The following NCOA3 variants were observed in gnomAD, a reference collection of about 807,000 sequenced individuals.
NCOA3 encodes CBP-interacting protein.
NCOA3 carries 51 observed loss-of-function variants against 158.8 expected under a neutral mutation model. The observed-to-expected ratio is 0.32, with a 90% CI of 0.26 to 0.41. The LOEUF is 0.41. NCOA3 is among the 10% of genes least tolerant of loss of function. The probability of loss-of-function intolerance (pLI) is 1.00; values close to 1 mark genes in which losing one functional copy is unlikely to be tolerated. For synonymous variants in NCOA3, 537 were observed against 592.4 expected (o/e 0.91, Z 1.36); for missense variants, 1,510 against 1,746.6 (o/e 0.86, Z 2.41).
intron 1 of NCOA3, among the ~76,000 whole-genome samples, chr20:47,533,916 A>C (rs1035674425): frequency 5.3e-5 from 8 of 152,150 alleles, no homozygotes; most frequent in Admixed American, 2.6e-4. Flanking sequence ...ACAGAGCAAG[A>C]CCCTGTCTCC....
At chr20:47,635,239 AATTTT>A (rs2086491872) in intron 10 of NCOA3, 78 bp from the exon 11 acceptor site, 1 of 1,390,846 alleles carries the variant, frequency 7.2e-7, no homozygotes, top group Non-Finnish European at 9.6e-7. Flanking sequence ...GGTTTTTTAA[AATTTT>A]ATTTTATTTT....
At chr20:47,511,550 T>TATATATATACAC in intron 1 of NCOA3, among the ~76,000 whole-genome samples, 3,077 of 52,220 alleles carry the variant, frequency 0.059, 321 homozygotes, top group Non-Finnish European at 0.087. Context: ...TATATATATA[T>TATATATATACAC]ATATATTTCT....
At chr20:47,623,874 T>G in intron 3 of NCOA3, 37 bp from the exon 4 acceptor site, 1 of 1,575,182 alleles carries the variant, frequency 6.3e-7, no homozygotes, top group East Asian at 2.2e-5. Flanking sequence ...ATATATATTA[T>G]GTCTCCTTTC....
intron 16 of NCOA3, 34 bp from the exon 17 acceptor site, chr20:47,642,179 G>A: frequency 2.0e-6 from 3 of 1,471,174 alleles, no homozygotes; most frequent in Non-Finnish European, 9.1e-7. Flanking sequence ...AAAAAAAAAA[G>A]CACCATTGAC....
chr20:47,595,319 A>G (rs925456578), intron 2 of NCOA3, among the ~76,000 whole-genome samples: 20 of 151,692 alleles, frequency 1.3e-4, no homozygotes, highest in Admixed American at 3.9e-4. Flanking sequence ...GCTGGTCTCA[A>G]ACTTCTGACC....
Position 47,651,167 on chromosome 20 carries a change from C to T in NCOA3, c.3837C>T (p.Ala1279=). The change falls in exon 20 of 23, where the codon GCC becomes GCT. Residue 1279 remains alanine (A), a synonymous_variant. Coordinates refer to ENST00000371998, the MANE Select transcript of NCOA3 (RefSeq NM_181659.3). The stretch of plus-strand genomic sequence containing the variant: ...AGCAGCAACAGCAGCAAACCCAGGC[C>T]TTCAGCCCACCTCCTAATGTGACTG... ...QQQQQQQQTQ[A]FSPPPNVTAS... 6.2e-7 allele frequency: 1 copy of T among 1,613,992 alleles called. No homozygotes were observed. The highest frequency in any genetic ancestry group is 1.1e-5 in the South Asian group (1 of 91,060).
intron 1 of NCOA3, among the ~76,000 whole-genome samples, chr20:47,548,844 A>T (rs564923149): frequency 1.4e-4 from 22 of 152,328 alleles, no homozygotes; most frequent in Admixed American, 1.3e-3. Context: ...GATGTGAAAT[A>T]ATATCTGTGA....
rs1173735957 is a variant in NCOA3, at chr20:47,639,998, C to T, written c.3027C>T (p.Ser1009=). The T allele has an allele frequency of 6.2e-7, 1 of 1,614,080 alleles. No homozygotes were observed. Among genetic ancestry groups the T allele is most frequent in the African/African-American group, 1.3e-5 (1 of 74,926 alleles). Residue 1009 remains serine (S), a synonymous_variant, in exon 16 of 23, where the codon TCC becomes TCT. Coordinates refer to ENST00000371998, the MANE Select transcript of NCOA3 (RefSeq NM_181659.3). ...CAGCAGCATCTAACCAACTGGGTTC[C>T]TGGCCCGATGGCATGTTGTCCATGG... ...GQAAASNQLG[S]WPDGMLSMEQ... is the part of the protein sequence containing the mutation.
intron 1 of NCOA3, among the ~76,000 whole-genome samples, chr20:47,520,175 C>T (rs893630287): frequency 6.6e-5 from 10 of 150,442 alleles, no homozygotes; most frequent in Middle Eastern, 7.0e-3. Flanking sequence ...TGGAGTGTTA[C>T]AGGGTCACAG....
At chr20:47,628,284 G>A (rs767751845) in intron 8 of NCOA3, 55 of 322,484 alleles carry the variant, frequency 1.7e-4, no homozygotes, top group Non-Finnish European at 2.7e-4. Context: ...GGGGCACCTG[G>A]TTTTCTCTCC....
intron 1 of NCOA3, among the ~76,000 whole-genome samples, chr20:47,522,608 G>A (rs2084361100): frequency 6.6e-6 from 1 of 151,902 alleles, no homozygotes; most frequent in Admixed American, 6.6e-5. Context: ...ATAGGGCTCG[G>A]GATTGGTTTG....
intron 1 of NCOA3, among the ~76,000 whole-genome samples, chr20:47,548,847 A>G (rs1428561434): frequency 1.3e-5 from 2 of 152,214 alleles, no homozygotes; most frequent in Non-Finnish European, 2.9e-5. Flanking sequence ...GTGAAATAAT[A>G]TCTGTGAGGT....
At chr20:47,584,055 G>A (rs1168329493) in intron 2 of NCOA3, among the ~76,000 whole-genome samples, 1 of 152,218 alleles carries the variant, frequency 6.6e-6, no homozygotes, top group Non-Finnish European at 1.5e-5. Context: ...AGCACTTTGG[G>A]GATTGGAGGT....
intron 1 of NCOA3, among the ~76,000 whole-genome samples, chr20:47,524,034 A>T (rs1412238318): frequency 1.3e-5 from 2 of 152,242 alleles, no homozygotes; most frequent in Admixed American, 6.5e-5. Context: ...GCCAGAATAG[A>T]TGGCTTAAAG....
intron 16 of NCOA3, among the ~76,000 whole-genome samples, chr20:47,640,924 T>G (rs527832436): frequency 7.9e-5 from 12 of 152,160 alleles, no homozygotes; most frequent in African/African-American, 2.9e-4. Flanking sequence ...ATTTAATTTT[T>G]ATTTAGCTTA....
At chr20:47,525,696 G>T in intron 1 of NCOA3, among the ~76,000 whole-genome samples, 1 of 134,774 alleles carries the variant, frequency 7.4e-6, no homozygotes, top group Non-Finnish European at 1.6e-5. Context: ...GGACGGGGCG[G>T]CTGGCCGGGC....
chr20:47,600,239 A>G (rs1439951238), intron 2 of NCOA3, among the ~76,000 whole-genome samples: 2 of 150,968 alleles, frequency 1.3e-5, no homozygotes, highest in Non-Finnish European at 2.9e-5. Context: ...CAGTGGCACG[A>G]TCTTGGCTCA....
chr20:47,520,227 T>G (rs6018526), intron 1 of NCOA3, among the ~76,000 whole-genome samples: 10,279 of 152,054 alleles, frequency 0.068, 494 homozygotes, highest in Middle Eastern at 0.17. Flanking sequence ...AAATTTAAAT[T>G]TACCCTGGCT....
rs1232357519 is a variant in NCOA3 at position 47,627,067 on chromosome 20, C to A, written c.423C>A (p.Val141=). Residue 141 remains valine, a synonymous_variant, in exon 6 of 23, where the codon GTC becomes GTA. Coordinates refer to ENST00000371998, the MANE Select transcript of NCOA3 (RefSeq NM_181659.3). Reference sequence around the variant, plus strand: ...ACATTGTATTTGTATCAGAAAATGTCACACAATACCTGCAATATAAGCAAG... The same window carrying A: ...ACATTGTATTTGTATCAGAAAATGTAACACAATACCTGCAATATAAGCAAG... ...DGNIVFVSEN[V]TQYLQYKQED... is the part of the protein sequence containing the mutation. The A allele has an allele frequency of 6.2e-7, 1 of 1,613,048 alleles. No homozygotes were observed. Among genetic ancestry groups the A allele is most frequent in the East Asian group, 2.2e-5 (1 of 44,840 alleles).
Sources: allele counts gnomAD v4.1 joint callset (sites outside exome capture counted in the v4.1 genomes callset), GRCh38; gene constraint gnomAD v4.1.1; transcripts MANE v1.5; gene names NCBI Gene and HGNC (gene_info 2026-07-23, HGNC 2026-07-21).